ARHGAP6: variants seen among roughly 807,000 people sequenced by gnomAD.
ARHGAP6 encodes the protein rho GTPase-activating protein 6.
In ARHGAP6, 16 loss-of-function variants were observed where a neutral mutation model predicts 55.7. The ratio of observed to expected loss-of-function variants is 0.29; its 90% CI spans 0.19 to 0.44. The LOEUF is 0.44. ARHGAP6 is among the 20% of genes least tolerant of loss of function. The probability of loss-of-function intolerance (pLI) is 1.00; values close to 1 mark genes in which losing one functional copy is unlikely to be tolerated. For missense variants in ARHGAP6, 698 were observed against 808.9 expected, an observed-to-expected ratio of 0.86 and a Z score of 1.66; for synonymous variants, 382 against 360.9, an observed-to-expected ratio of 1.06 and a Z score of -0.66.
At chrX:11,148,252 A>G (rs781526650) in intron 10 of ARHGAP6, among the ~76,000 whole-genome samples, 2 of 112,024 alleles carry the variant, frequency 1.8e-5, no homozygotes, top group South Asian at 7.6e-4. Context: ...GCATTAAAAT[A>G]CTCATGTATC....
chrX:11,577,667 A>T (rs2051616577), intron 1 of ARHGAP6, among the ~76,000 whole-genome samples: 1 of 111,793 alleles, frequency 8.9e-6, no homozygotes, highest in Admixed American at 9.5e-5. Context: ...ATCCAATGAT[A>T]TCTTTTTTCA....
At chrX:11,324,140 A>G (rs1293218142) in intron 1 of ARHGAP6, among the ~76,000 whole-genome samples, 1 of 112,068 alleles carries the variant, frequency 8.9e-6, no homozygotes, top group Non-Finnish European at 1.9e-5. Context: ...AGCTGCAGAC[A>G]AGAGCAGAGC....
intron 10 of ARHGAP6, among the ~76,000 whole-genome samples, chrX:11,147,551 T>A (rs191156630): frequency 1.8e-5 from 2 of 112,687 alleles, no homozygotes; most frequent in African/African-American, 6.5e-5. Context: ...TACACACCTG[T>A]GCTTCCTGTG....
At chrX:11,221,652 G>A (rs887522874) in intron 2 of ARHGAP6, among the ~76,000 whole-genome samples, 1 of 111,754 alleles carries the variant, frequency 8.9e-6, no homozygotes, top group African/African-American at 3.3e-5. Context: ...GAGGACACTG[G>A]AGGAGAAACA....
At chrX:11,394,058 C>T (rs983065427) in intron 1 of ARHGAP6, among the ~76,000 whole-genome samples, 3 of 110,942 alleles carry the variant, frequency 2.7e-5, no homozygotes, top group African/African-American at 9.8e-5. Flanking sequence ...CGTTATAAGC[C>T]AAAAATGGAC....
chrX:11,195,117 G>C (rs1448555266), intron 3 of ARHGAP6, among the ~76,000 whole-genome samples: 1 of 111,733 alleles, frequency 8.9e-6, no homozygotes, highest in East Asian at 2.8e-4. Context: ...ACTTTGGGAG[G>C]CTGAGGCGGG....
At chrX:11,274,485 A>G (rs763616724) in intron 1 of ARHGAP6, among the ~76,000 whole-genome samples, 4 of 111,871 alleles carry the variant, frequency 3.6e-5, no homozygotes, top group South Asian at 7.6e-4. Context: ...TTACAGAAAA[A>G]GTTTGCCGAC....
chrX:11,397,635 T>C (rs1467001111), intron 1 of ARHGAP6, among the ~76,000 whole-genome samples: 1 of 111,873 alleles, frequency 8.9e-6, no homozygotes, highest in Admixed American at 9.5e-5. Context: ...TCCTAGAACT[T>C]TGGGAGGCCA....
intron 1 of ARHGAP6, among the ~76,000 whole-genome samples, chrX:11,311,468 G>A (rs2048300464): frequency 8.9e-6 from 1 of 111,898 alleles, no homozygotes; most frequent in African/African-American, 3.3e-5. Context: ...TCTGCTAACA[G>A]GACAGAAGTC....
At chrX:11,293,337 T>C (rs1454533133) in intron 1 of ARHGAP6, 1 of 111,975 alleles carries the variant, frequency 8.9e-6, no homozygotes, top group East Asian at 2.8e-4. Flanking sequence ...CTCAACACAT[T>C]TTTCCTTTAG....
intron 1 of ARHGAP6, among the ~76,000 whole-genome samples, chrX:11,278,888 G>A (rs753234084): frequency 2.7e-5 from 3 of 109,654 alleles, no homozygotes; most frequent in East Asian, 5.7e-4. Context: ...CATATCACTC[G>A]AATTCCCCAG....
At chrX:11,248,908 C>T (rs1171317313) in intron 2 of ARHGAP6, among the ~76,000 whole-genome samples, 1 of 111,567 alleles carries the variant, frequency 9.0e-6, no homozygotes. Context: ...CCAGTAATCT[C>T]GCTACTGGGC....
chrX:11,242,278 T>C (rs1437997450), intron 2 of ARHGAP6, among the ~76,000 whole-genome samples: 2 of 112,262 alleles, frequency 1.8e-5, no homozygotes, highest in Non-Finnish European at 3.8e-5. Context: ...GCTGATCTCA[T>C]GGTTTAGATG....
intron 1 of ARHGAP6, among the ~76,000 whole-genome samples, chrX:11,367,371 C>T (rs954063731): frequency 9.0e-6 from 1 of 111,611 alleles, no homozygotes; most frequent in Non-Finnish European, 1.9e-5. Context: ...TAACATGATG[C>T]TATCTGGAGT....
intron 1 of ARHGAP6, among the ~76,000 whole-genome samples, chrX:11,555,842 G>A (rs1041575342): frequency 1.8e-5 from 2 of 111,308 alleles, no homozygotes; most frequent in African/African-American, 3.3e-5. Flanking sequence ...ACATGGGAAC[G>A]TGCATGTGTT....
At chrX:11,583,770 AG>A (rs1192378494) in intron 1 of ARHGAP6, among the ~76,000 whole-genome samples, 2 of 110,904 alleles carry the variant, frequency 1.8e-5, no homozygotes, top group East Asian at 5.6e-4. Context: ...TTAAAGATGG[AG>A]GAAAAAAAAA....
intron 1 of ARHGAP6, among the ~76,000 whole-genome samples, chrX:11,327,818 T>C (rs1448460073): frequency 8.9e-6 from 1 of 111,952 alleles, no homozygotes; most frequent in Non-Finnish European, 1.9e-5. Flanking sequence ...GTAGATTAGA[T>C]TTATCAAAAC....
intron 1 of ARHGAP6, among the ~76,000 whole-genome samples, chrX:11,520,442 G>A (rs935426313): frequency 9.3e-6 from 1 of 107,377 alleles, no homozygotes; most frequent in African/African-American, 3.4e-5. Context: ...ATAGTTTGCT[G>A]AGAATGATGG....
chrX:11,180,944 T>C (rs1383838448), intron 6 of ARHGAP6, among the ~76,000 whole-genome samples: 1 of 112,662 alleles, frequency 8.9e-6, no homozygotes, highest in Non-Finnish European at 1.9e-5. Flanking sequence ...CCTATGAAGT[T>C]AATGGTGACT....
Sources: gnomAD v4.1 joint callset for allele counts (sites outside exome capture counted in the v4.1 genomes callset) on GRCh38, gnomAD v4.1.1 for gene constraint, MANE v1.5 for transcripts, NCBI Gene and HGNC (gene_info 2026-07-23, HGNC 2026-07-21) for gene names.